Variants in ARHGAP19 observed in about 807,000 individuals in gnomAD.
ARHGAP19 encodes rho GTPase-activating protein 19.
Under a neutral mutation model 60.9 loss-of-function variants are expected in ARHGAP19, and 48 were observed. That is an observed-to-expected ratio of 0.79 (90% confidence interval 0.62 to 1.00). ARHGAP19 has a LOEUF of 1.00. Ranked by LOEUF, ARHGAP19 falls within the 50% of genes least tolerant of loss-of-function variation. ARHGAP19 has a pLI of 0.00. For missense variants in ARHGAP19, 562 were observed against 597.2 expected (o/e 0.94, Z 0.61); for synonymous variants, 209 against 215.5 (o/e 0.97, Z 0.27).
chr10:97,271,825 T>C (rs555176494), intron 1 of ARHGAP19, among the ~76,000 whole-genome samples: 90 of 152,028 alleles, frequency 5.9e-4, no homozygotes, highest in Non-Finnish European at 1.1e-3. Context: ...AAATTGTGTA[T>C]TGGTGTTTAA....
At chr10:97,234,413 A>AT (rs1554861268) in intron 9 of ARHGAP19, among the ~76,000 whole-genome samples, 22 of 92,488 alleles carry the variant, frequency 2.4e-4, no homozygotes, top group African/African-American at 8.1e-4. Context: ...AGAAATAAAA[A>AT]TTAAAAAAAA....
At chr10:97,229,505 A>T (rs1023119513) in intron 10 of ARHGAP19, among the ~76,000 whole-genome samples, 2 of 152,024 alleles carry the variant, frequency 1.3e-5, no homozygotes, top group African/African-American at 4.8e-5. Flanking sequence ...TGCTTCCTCC[A>T]GCACTTGTTT....
At chr10:97,288,509 G>A (rs951327751) in intron 1 of ARHGAP19, among the ~76,000 whole-genome samples, 9 of 151,234 alleles carry the variant, frequency 6.0e-5, no homozygotes, top group African/African-American at 2.2e-4. Context: ...GAACTCGGGG[G>A]GGCAGAGGTT....
rs1283251149 is a variant in ARHGAP19, at chr10:97,239,089, G to A, written c.1186-3774C>T. 2.0e-5 allele frequency among the ~76,000 whole-genome samples: 3 copies of A among 152,162 alleles called. No homozygotes were observed. The East Asian group carries it at 5.8e-4, about 29-fold the overall frequency. The stretch of plus-strand genomic sequence containing the variant: ...ACAGCCTAGGTGTGTACTAAGCTAC[G>A]CCATCTAGGTTTATGTAAGTACACT... On this transcript the variant is annotated intron_variant, in intron 8 of 11. Coordinates refer to ENST00000358531, the MANE Select transcript of ARHGAP19 (RefSeq NM_032900.6).
chr10:97,236,180 T>A (rs571091431), intron 8 of ARHGAP19, among the ~76,000 whole-genome samples: 26 of 152,146 alleles, frequency 1.7e-4, no homozygotes, highest in African/African-American at 5.5e-4. Flanking sequence ...CTTCACTGTG[T>A]TGGCCAGGCT....
At chr10:97,228,689 A>T (rs1048026945) in intron 11 of ARHGAP19, among the ~76,000 whole-genome samples, 4 of 152,080 alleles carry the variant, frequency 2.6e-5, no homozygotes, top group Admixed American at 1.3e-4. Context: ...AGCCCCCAAA[A>T]TATGCTGTAT....
chr10:97,288,507 G>C (rs927897407), intron 1 of ARHGAP19, among the ~76,000 whole-genome samples: 12 of 151,622 alleles, frequency 7.9e-5, no homozygotes, highest in Non-Finnish European at 1.6e-4. Flanking sequence ...TTGAACTCGG[G>C]GGGGCAGAGG....
intron 1 of ARHGAP19, chr10:97,270,556 T>A: frequency 2.0e-6 from 3 of 1,490,428 alleles, no homozygotes; most frequent in Non-Finnish European, 2.7e-6. Flanking sequence ...TACAATATTG[T>A]AAAACAAACG....
chr10:97,290,012 T>C (rs1037764361), intron 1 of ARHGAP19, among the ~76,000 whole-genome samples: 2 of 152,002 alleles, frequency 1.3e-5, no homozygotes, highest in Admixed American at 1.3e-4. Flanking sequence ...TAATCAAATG[T>C]ATCAATCACC....
chr10:97,269,869 C>T (rs1054980260), intron 1 of ARHGAP19, among the ~76,000 whole-genome samples: 3 of 152,114 alleles, frequency 2.0e-5, no homozygotes, highest in African/African-American at 7.2e-5. Flanking sequence ...TATTAATATC[C>T]AGAGCAAAAC....
At chr10:97,270,438 A>C (rs554954158) in intron 1 of ARHGAP19, among the ~76,000 whole-genome samples, 152 of 152,346 alleles carry the variant, frequency 1.0e-3, no homozygotes, top group African/African-American at 2.4e-3. Context: ...AGAATACACA[A>C]CACCACAATA....
chr10:97,270,577 A>C lies in ARHGAP19; in HGVS notation c.57-4452T>G, dbSNP rs755599645. On this transcript the variant is annotated intron_variant, in intron 1 of 11. Coordinates refer to ENST00000358531, the MANE Select transcript of ARHGAP19 (RefSeq NM_032900.6). ...ATTGTAAAACAAACGAAATATACTAAAGTTCAAGAAAATAAATACATTTCT... is the reference window on the plus strand; with the variant it reads ...ATTGTAAAACAAACGAAATATACTACAGTTCAAGAAAATAAATACATTTCT... 4.7e-5 allele frequency: 72 copies of C among 1,530,440 alleles called. 3 individuals carry two copies. In the South Asian group the frequency reaches 8.4e-4, roughly 18 times the overall value. The allele number at this position is 1,530,440 out of a possible 1,614,324, so 94.8% of individuals were successfully genotyped here. A position where few individuals can be genotyped will look rare whatever the true frequency, so the allele number is the denominator to read the frequency against.
At chr10:97,290,900 T>G (rs546635585) in intron 1 of ARHGAP19, among the ~76,000 whole-genome samples, 7 of 151,872 alleles carry the variant, frequency 4.6e-5, no homozygotes, top group Non-Finnish European at 8.8e-5. Context: ...TCGGCCAATC[T>G]CCCCAACAGC....
chr10:97,234,415 TA>T (rs10592924), intron 9 of ARHGAP19, among the ~76,000 whole-genome samples: 17,311 of 123,820 alleles, frequency 0.14, 1,869 homozygotes, highest in African/African-American at 0.34. Context: ...AAATAAAAAT[TA>T]AAAAAAAAAA....
chr10:97,228,597 G>A (rs1850943503), intron 11 of ARHGAP19, among the ~76,000 whole-genome samples: 2 of 152,126 alleles, frequency 1.3e-5, no homozygotes, highest in South Asian at 4.1e-4. Context: ...GGCTCCTTCA[G>A]AGGAAGGCAC....
intron 2 of ARHGAP19, chr10:97,265,590 T>G: frequency 2.3e-6 from 1 of 427,606 alleles, no homozygotes; most frequent in African/African-American, 2.0e-5. Context: ...TAATAGGGCA[T>G]GAAAATCAAG....
At chr10:97,238,264 G>A (rs938902918) in intron 8 of ARHGAP19, among the ~76,000 whole-genome samples, 38 of 152,128 alleles carry the variant, frequency 2.5e-4, no homozygotes, top group African/African-American at 8.0e-4. Context: ...GGAGTGCAGT[G>A]GTGCGGATCA....
intron 6 of ARHGAP19, among the ~76,000 whole-genome samples, chr10:97,247,226 C>A (rs148054809): frequency 3.9e-5 from 6 of 152,178 alleles, no homozygotes; most frequent in African/African-American, 1.4e-4. Flanking sequence ...GGGAGAATCA[C>A]TTGAGCCCAG....
intron 8 of ARHGAP19, among the ~76,000 whole-genome samples, chr10:97,237,786 G>A (rs1589447477): frequency 6.6e-6 from 1 of 151,830 alleles, no homozygotes; most frequent in Non-Finnish European, 1.5e-5. Context: ...CAGGAGAATC[G>A]CTTGAACCTG....
Sources: gnomAD v4.1 joint callset for allele counts (sites outside exome capture counted in the v4.1 genomes callset) on GRCh38, gnomAD v4.1.1 for gene constraint, MANE v1.5 for transcripts, NCBI Gene and HGNC (gene_info 2026-07-23, HGNC 2026-07-21) for gene names.